The following B3GLCT variants were observed in gnomAD, a reference collection of about 807,000 sequenced individuals.
The protein encoded by B3GLCT is beta-1,3-glucosyltransferase.
In B3GLCT, 65 loss-of-function variants were observed where a neutral mutation model predicts 63.4. The observed-to-expected ratio is 1.03, with a 90% CI of 0.84 to 1.26. B3GLCT has a LOEUF of 1.26. B3GLCT is among the 50% of genes most tolerant of loss of function. The pLI, the probability that B3GLCT is intolerant of heterozygous loss-of-function variation, is 0.00. For synonymous variants in B3GLCT, 233 were observed against 219.2 expected, an observed-to-expected ratio of 1.06 and a Z score of -0.55; for missense variants, 577 against 604.8, an observed-to-expected ratio of 0.95 and a Z score of 0.48.
At chr13:31,310,273 C>T (rs185302655) in intron 12 of B3GLCT, among the ~76,000 whole-genome samples, 2 of 152,318 alleles carry the variant, frequency 1.3e-5, no homozygotes, top group African/African-American at 2.4e-5. Flanking sequence ...CACTTTGGGT[C>T]CCGTCTTGTG....
At chr13:31,301,694 C>T (rs1392168574) in intron 12 of B3GLCT, among the ~76,000 whole-genome samples, 1 of 152,172 alleles carries the variant, frequency 6.6e-6, no homozygotes, top group African/African-American at 2.4e-5. Context: ...CTTGATTAAC[C>T]AGTCTAACAG....
intron 4 of B3GLCT, among the ~76,000 whole-genome samples, chr13:31,240,141 A>G (rs1171394822): frequency 1.3e-5 from 2 of 152,184 alleles, no homozygotes; most frequent in Non-Finnish European, 2.9e-5. Flanking sequence ...CCCTCTCTAA[A>G]AAAAAATCAG....
chr13:31,200,101 G>T lies in B3GLCT; in HGVS notation c.17G>T (p.Cys6Phe). ...GCCGCCAGGATGCGGCCGCCCGCCT[G>T]CTGGTGGCTGCTCGCGCCGCCGGCG... MRPPACWWLLAPPALL... is the reference protein window; with the variant it reads MRPPAFWWLLAPPALL... The change falls in exon 1 of 15, where the codon TGC (cysteine) becomes TTC (phenylalanine). Residue 6 changes from cysteine (C) to phenylalanine (F), a missense_variant. Transcript: ENST00000343307. 7.3e-7 allele frequency: 1 copy of T among 1,376,076 alleles called. No homozygotes were observed. The highest frequency in any genetic ancestry group is 9.5e-7 in the Non-Finnish European group (1 of 1,055,090). The allele number at this position is 1,376,076 out of a possible 1,614,324, so 85.2% of individuals were successfully genotyped here. A position where few individuals can be genotyped will look rare whatever the true frequency, so the allele number is the denominator to read the frequency against.
intron 3 of B3GLCT, among the ~76,000 whole-genome samples, chr13:31,226,781 A>G (rs1376847590): frequency 6.6e-6 from 1 of 152,190 alleles, no homozygotes; most frequent in Non-Finnish European, 1.5e-5. Flanking sequence ...AAAAAGTATT[A>G]GGAAATAATT....
intron 6 of B3GLCT, among the ~76,000 whole-genome samples, chr13:31,250,613 G>A (rs1161470522): frequency 6.6e-6 from 1 of 152,200 alleles, no homozygotes; most frequent in Non-Finnish European, 1.5e-5. Context: ...AAACTGGGTG[G>A]AGCCCACCAC....
intron 2 of B3GLCT, among the ~76,000 whole-genome samples, chr13:31,218,624 G>A (rs1402201180): frequency 2.0e-5 from 3 of 152,160 alleles, no homozygotes; most frequent in African/African-American, 7.2e-5. Flanking sequence ...TCTAGGTATA[G>A]TATCTTACTG....
At chr13:31,273,637 G>A (rs924831355) in intron 8 of B3GLCT, among the ~76,000 whole-genome samples, 29 of 151,704 alleles carry the variant, frequency 1.9e-4, no homozygotes, top group African/African-American at 6.3e-4. Context: ...TGATTGTTCT[G>A]TAAGCACCCT....
chr13:31,287,876 G>C (rs138190154), intron 12 of B3GLCT, among the ~76,000 whole-genome samples: 77 of 152,152 alleles, frequency 5.1e-4, no homozygotes, highest in African/African-American at 1.5e-3. Context: ...CCACTGGATG[G>C]GTTTAATAGC....
At chr13:31,262,308 TTTTG>T (rs1872074079) in intron 7 of B3GLCT, among the ~76,000 whole-genome samples, 1 of 152,216 alleles carries the variant, frequency 6.6e-6, no homozygotes, top group Non-Finnish European at 1.5e-5. Context: ...AGTGGATTAT[TTTTG>T]TTTGTTTCCA....
intron 14 of B3GLCT, among the ~76,000 whole-genome samples, chr13:31,325,573 T>TTTAAAAATAAG (rs1483914883): frequency 6.6e-6 from 1 of 152,182 alleles, no homozygotes; most frequent in Non-Finnish European, 1.5e-5. Flanking sequence ...AAAATAAGGT[T>TTTAAAAATAAG]GTTGTTTCCC....
At chr13:31,230,964 CGCCACT>C (rs1870350892) in intron 4 of B3GLCT, among the ~76,000 whole-genome samples, 2 of 151,970 alleles carry the variant, frequency 1.3e-5, no homozygotes, top group African/African-American at 4.8e-5. Context: ...ACTGAGATCG[CGCCACT>C]GCCCTCCAGC....
chr13:31,248,114 T>C (rs537415690), intron 6 of B3GLCT, 148 bp downstream of exon 6: 2 of 611,136 alleles, frequency 3.3e-6, no homozygotes, highest in South Asian at 1.9e-5. Context: ...CTGAGATATG[T>C]TAAGTAATGC....
At chr13:31,274,983 G>A (rs973788345) in intron 9 of B3GLCT, among the ~76,000 whole-genome samples, 18 of 152,198 alleles carry the variant, frequency 1.2e-4, no homozygotes, top group Non-Finnish European at 8.8e-5. Flanking sequence ...ATTAATTCAC[G>A]TAGGATAATG....
intron 7 of B3GLCT, among the ~76,000 whole-genome samples, chr13:31,267,984 T>G (rs1321031161): frequency 6.6e-6 from 1 of 152,078 alleles, no homozygotes. Flanking sequence ...AGGATACAAG[T>G]GCACCATGCT....
intron 10 of B3GLCT, among the ~76,000 whole-genome samples, chr13:31,279,005 A>C (rs1343117837): frequency 6.6e-6 from 1 of 152,090 alleles, no homozygotes; most frequent in Non-Finnish European, 1.5e-5. Flanking sequence ...ATTTTTTTCT[A>C]CCACAGCACA....
At chr13:31,245,728 G>A (rs987084325) in intron 4 of B3GLCT, among the ~76,000 whole-genome samples, 3 of 152,030 alleles carry the variant, frequency 2.0e-5, no homozygotes, top group African/African-American at 7.2e-5. Flanking sequence ...AACATCATTA[G>A]TTTCTTTACA....
chr13:31,298,193 T>C (rs1010988250), intron 12 of B3GLCT, among the ~76,000 whole-genome samples: 9 of 152,224 alleles, frequency 5.9e-5, no homozygotes, highest in African/African-American at 2.2e-4. Flanking sequence ...GATAGCAATT[T>C]GGACGTTCCA....
intron 12 of B3GLCT, among the ~76,000 whole-genome samples, chr13:31,313,202 C>T (rs1307067668): frequency 2.0e-5 from 3 of 152,080 alleles, no homozygotes; most frequent in Non-Finnish European, 2.9e-5. Flanking sequence ...TTGTTCTTAC[C>T]CATCCCTCCC....
At chr13:31,316,407 T>C (rs543331974) in intron 12 of B3GLCT, among the ~76,000 whole-genome samples, 38 of 40,864 alleles carry the variant, frequency 9.3e-4, no homozygotes, top group Non-Finnish European at 1.9e-3. Context: ...TTTGGAGGTT[T>C]TATATATATA....
Sources: gnomAD v4.1 joint callset for allele counts (sites outside exome capture counted in the v4.1 genomes callset) on GRCh38, gnomAD v4.1.1 for gene constraint, MANE v1.5 for transcripts, NCBI Gene and HGNC (gene_info 2026-07-23, HGNC 2026-07-21) for gene names.